Variants in USP7 observed in about 807,000 individuals in gnomAD.
USP7 encodes the protein ubiquitin C-terminal hydrolase 7.
In USP7, 9 loss-of-function variants were observed where a neutral mutation model predicts 162.9. The ratio of observed to expected loss-of-function variants is 0.06; its 90% CI spans 0.03 to 0.10. The LOEUF (loss-of-function observed/expected upper bound fraction) is 0.10, where lower values mean the gene tolerates loss of function less well. USP7 is among the 10% of genes least tolerant of loss of function. The probability of loss-of-function intolerance (pLI) is 1.00; values close to 1 mark genes in which losing one functional copy is unlikely to be tolerated. For missense variants in USP7, 715 were observed against 1,373.7 expected (o/e 0.52, Z 7.58); for synonymous variants, 562 against 475.9 (o/e 1.18, Z -2.35).
At chr16:8,918,879 T>C (rs1055104164) in intron 6 of USP7, 152 bp downstream of exon 6, 83 of 740,398 alleles carry the variant, frequency 1.1e-4, no homozygotes, top group Admixed American at 7.7e-4. Flanking sequence ...GTCCCAGCAC[T>C]GGGGAATGAA....
chr16:8,899,966 T>C (rs191652279), intron 21 of USP7: 17 of 626,438 alleles, frequency 2.7e-5, no homozygotes, highest in Admixed American at 1.8e-4. Context: ...CCAGGCGCAA[T>C]GTAGTGGCTT....
intron 1 of USP7, chr16:8,936,433 A>G (rs1350550436): frequency 4.0e-6 from 3 of 756,376 alleles, no homozygotes; most frequent in Non-Finnish European, 3.8e-6. Flanking sequence ...GAGGTAAACT[A>G]GAAAGCAGTG....
chr16:8,921,000 T>C (rs1399711500), intron 4 of USP7, among the ~76,000 whole-genome samples, 157 bp downstream of exon 4: 1 of 152,188 alleles, frequency 6.6e-6, no homozygotes, highest in Non-Finnish European at 1.5e-5. Context: ...AAACGTAAGA[T>C]ACGAAACTGG....
chr16:8,956,876 C>A (rs912920185), intron 1 of USP7, among the ~76,000 whole-genome samples: 1 of 152,174 alleles, frequency 6.6e-6, no homozygotes, highest in African/African-American at 2.4e-5. Context: ...CACGAGGACT[C>A]CCAGCGCAGC....
At chr16:8,951,669 G>A (rs1328304968) in intron 1 of USP7, among the ~76,000 whole-genome samples, 1 of 152,232 alleles carries the variant, frequency 6.6e-6, no homozygotes, top group Non-Finnish European at 1.5e-5. Flanking sequence ...TGGGTATGCT[G>A]AGACGCTGTG....
At chr16:8,902,285 G>C in intron 17 of USP7, 96 bp downstream of exon 17, 1 of 1,574,668 alleles carries the variant, frequency 6.4e-7, no homozygotes, top group Non-Finnish European at 8.7e-7. Flanking sequence ...TCCAATTCTA[G>C]TTAAGTGGAC....
At chr16:8,929,141 G>A (rs1315654081) in intron 2 of USP7, among the ~76,000 whole-genome samples, 5 of 152,178 alleles carry the variant, frequency 3.3e-5, no homozygotes, top group African/African-American at 1.2e-4. Context: ...GCCTGTCACT[G>A]CTACACAAGT....
chr16:8,906,733 T>C, intron 12 of USP7, 151 bp from the exon 13 acceptor site: 1 of 715,936 alleles, frequency 1.4e-6, no homozygotes, highest in Non-Finnish European at 2.2e-6. Context: ...CATAACGTAA[T>C]CCGTACTTGA....
At position 8,895,034 on chromosome 16, in the gene USP7, G is replaced by T; in HGVS notation, c.3036C>A (p.His1012Gln). The stretch of plus-strand genomic sequence containing the variant: ...TCGGCCAACCACAACAGCATACCTG[G>T]TGTATCCTCAGCAAAAACGGGATTC... ...TFGIPFLLRI[H>Q]QGEHFREVMK... The change falls in exon 28 of 31, where the codon CAC becomes CAA. Residue 1012 changes from histidine (H) to glutamine (Q), a missense_variant. By Grantham distance (24) the His-to-Gln change is conservative (BLOSUM62 0). Coordinates refer to ENST00000344836, the MANE Select transcript of USP7 (RefSeq NM_003470.3). 1 of 1,614,240 alleles carries T rather than the reference G, an allele frequency of 6.2e-7. No individual in the cohort carries two copies. The highest frequency in any genetic ancestry group is 8.5e-7 in the Non-Finnish European group (1 of 1,180,048).
intron 1 of USP7, among the ~76,000 whole-genome samples, chr16:8,962,151 G>C (rs1271520075): frequency 1.3e-5 from 2 of 152,202 alleles, no homozygotes; most frequent in African/African-American, 4.8e-5. Flanking sequence ...CTCCCCTGGA[G>C]CTTCATTCAT....
chr16:8,951,673 C>T (rs566177526), intron 1 of USP7, among the ~76,000 whole-genome samples: 6 of 152,308 alleles, frequency 3.9e-5, no homozygotes, highest in African/African-American at 1.2e-4. Context: ...TATGCTGAGA[C>T]GCTGTGCACC....
intron 1 of USP7, 50 bp downstream of exon 1, chr16:8,963,157 A>C: frequency 7.3e-7 from 1 of 1,367,222 alleles, no homozygotes; most frequent in South Asian, 1.4e-5. Flanking sequence ...TCCCCCGGCC[A>C]CAATGAAAGG....
rs776441351 is a variant in USP7, at chr16:8,899,740, T to C, written c.2327A>G (p.Asp776Gly). 1.9e-6 allele frequency: 3 copies of C among 1,614,188 alleles called. No homozygotes were observed. Among genetic ancestry groups the C allele is most frequent in the South Asian group, 2.2e-5 (2 of 91,080 alleles). ...IVFQKDDPEN[D>G]NSELPTAKEY... ...CTTTGCGGTGGGTAATTCACTGTTATCATTTTCAGGGTCATCCCTGGTGGA... is the reference window on the plus strand; with the variant it reads ...CTTTGCGGTGGGTAATTCACTGTTACCATTTTCAGGGTCATCCCTGGTGGA... The change falls in exon 22 of 31, where the codon GAT becomes GGT. Residue 776 changes from aspartate (D) to glycine (G), a missense_variant. Physicochemically the swap from Asp to Gly is moderately conservative, Grantham distance 94. Coordinates refer to ENST00000344836, the MANE Select transcript of USP7 (RefSeq NM_003470.3).
At chr16:8,952,052 G>A (rs1449270967) in intron 1 of USP7, among the ~76,000 whole-genome samples, 3 of 143,612 alleles carry the variant, frequency 2.1e-5, no homozygotes, top group East Asian at 4.2e-4. Flanking sequence ...ATGAAAGCAG[G>A]AGGGTGTTTA....
chr16:8,959,739 G>C (rs1899936585), intron 1 of USP7, among the ~76,000 whole-genome samples: 1 of 152,172 alleles, frequency 6.6e-6, no homozygotes, highest in Non-Finnish European at 1.5e-5. Context: ...GTGTGTTCAA[G>C]AGAACTCACA....
At chr16:8,936,107 T>C (rs929760348) in intron 1 of USP7, among the ~76,000 whole-genome samples, 2 of 152,188 alleles carry the variant, frequency 1.3e-5, no homozygotes, top group African/African-American at 4.8e-5. Context: ...TAAGAGTCCA[T>C]GTCCTGCCAC....
chr16:8,899,375 AACTTTGGAAAGGGTTTTC>A, intron 22 of USP7, 187 bp from the exon 23 acceptor site: 1 of 749,218 alleles, frequency 1.3e-6, no homozygotes, highest in East Asian at 2.7e-5. Context: ...TGATGAAGAT[AACTTTGGAAAGGGTTTTC>A]ACTTTTAATG....
intron 1 of USP7, among the ~76,000 whole-genome samples, chr16:8,932,772 G>C (rs1477459633): frequency 2.0e-5 from 3 of 152,166 alleles, no homozygotes; most frequent in Non-Finnish European, 2.9e-5. Flanking sequence ...GAGGCAAGAA[G>C]GGAATGGGGC....
rs748239932 is a variant in USP7 at position 8,894,536 on chromosome 16, G to GA, written c.3202+13_3202+14insT. The GA allele has an allele frequency of 1.9e-6, 3 of 1,610,504 alleles. No individual in the cohort carries two copies. Among genetic ancestry groups the GA allele is most frequent in the South Asian group, 1.1e-5 (1 of 90,932 alleles). On this transcript the variant is annotated intron_variant, in intron 30 of 30. Coordinates refer to ENST00000344836, the MANE Select transcript of USP7 (RefSeq NM_003470.3). ...GAAACCCACACCAGCCCCCGGGGGG[G>GA]GGAGAACCCTTACCGGGCTGTGGCT...
Sources: allele counts gnomAD v4.1 joint callset (sites outside exome capture counted in the v4.1 genomes callset), GRCh38; gene constraint gnomAD v4.1.1; transcripts MANE v1.5; gene names NCBI Gene and HGNC (gene_info 2026-07-23, HGNC 2026-07-21).